The following EIF3A variants were observed in gnomAD, a reference collection of about 807,000 sequenced individuals.
The protein encoded by EIF3A is eukaryotic translation initiation factor 3 subunit A.
Under a neutral mutation model 186.6 loss-of-function variants are expected in EIF3A, and 21 were observed. The ratio of observed to expected loss-of-function variants is 0.11; its 90% CI spans 0.08 to 0.16. The LOEUF (loss-of-function observed/expected upper bound fraction) is 0.16, where lower values mean the gene tolerates loss of function less well. Among genes scored for constraint, EIF3A ranks in the 10% least tolerant of loss-of-function variants. EIF3A has a pLI of 1.00. For missense variants in EIF3A, 1,306 were observed against 1,796.3 expected (o/e 0.73, Z 4.93); for synonymous variants, 563 against 584.3 (o/e 0.96, Z 0.52).
At chr10:119,036,296 T>A in intron 21 of EIF3A, 28 bp from the exon 22 acceptor site, 8 of 1,384,142 alleles carry the variant, frequency 5.8e-6, no homozygotes, top group African/African-American at 1.5e-5. Flanking sequence ...AAAAAAAAAA[T>A]TAAGTTAGTA....
chr10:119,051,217 T>G lies in EIF3A; in HGVS notation c.2301A>C (p.Ala767=), dbSNP rs778935725. Residue 767 remains alanine, a synonymous_variant, in exon 15 of 22, where the codon GCA becomes GCC. Coordinates refer to ENST00000369144, the MANE Select transcript of EIF3A (RefSeq NM_003750.4). ...AGCTCACCTCATAAACAGACTGCCG[T>G]GCAGCTTTGAGTCGCATTACGAATA... is the stretch of plus-strand genomic sequence containing the variant. The part of the protein sequence containing the change: ...RDLFVMRLKA[A]RQSVYEEKLK... 6.2e-7 allele frequency: 1 copy of G among 1,610,186 alleles called. No homozygotes were observed. Among genetic ancestry groups the G allele is most frequent in the Non-Finnish European group, 8.5e-7 (1 of 1,179,108 alleles).
chr10:119,051,352 G>T, intron 14 of EIF3A, 31 bp from the exon 15 acceptor site: 1 of 1,539,828 alleles, frequency 6.5e-7, no homozygotes, highest in South Asian at 1.2e-5. Context: ...AAATTTCAAT[G>T]CACTTTTTTT....
intron 6 of EIF3A, among the ~76,000 whole-genome samples, chr10:119,068,154 G>A (rs1429004503): frequency 1.3e-5 from 2 of 151,974 alleles, no homozygotes; most frequent in South Asian, 2.1e-4. Flanking sequence ...CAGGTTATAC[G>A]TAACGTTAAA....
chr10:119,049,733 G>T (rs1848331338), intron 17 of EIF3A, 68 bp downstream of exon 17: 1 of 1,409,888 alleles, frequency 7.1e-7, no homozygotes, highest in African/African-American at 1.4e-5. Context: ...GACAGAGCAA[G>T]ACTGTGCCTC....
chr10:119,065,623 G>A, intron 6 of EIF3A, 53 bp from the exon 7 acceptor site: 8 of 1,327,306 alleles, frequency 6.0e-6, no homozygotes, highest in Non-Finnish European at 8.5e-6. Context: ...TACTTGGTAA[G>A]CAGAAAAGCA....
At chr10:119,058,331 T>G in intron 11 of EIF3A, 28 bp from the exon 12 acceptor site, 1 of 1,472,216 alleles carries the variant, frequency 6.8e-7, no homozygotes, top group South Asian at 1.3e-5. Context: ...TTTTTTTACA[T>G]GACCAAAATT....
intron 5 of EIF3A, among the ~76,000 whole-genome samples, chr10:119,070,489 G>A (rs1047406699): frequency 1.3e-5 from 2 of 152,138 alleles, no homozygotes; most frequent in Non-Finnish European, 2.9e-5. Context: ...CTTTTTATCA[G>A]AGTAAAAACA....
At chr10:119,038,608 C>T (rs111805433) in intron 19 of EIF3A, among the ~76,000 whole-genome samples, 169 bp from the exon 20 acceptor site, 4,309 of 152,240 alleles carry the variant, frequency 0.028, 198 homozygotes, top group African/African-American at 0.097. Flanking sequence ...ACATCATTAA[C>T]AGTATCTTAA....
rs1308934575 is a variant in EIF3A, at chr10:119,042,385, G to C, written c.3135C>G (p.Asp1045Glu). The part of the protein sequence containing the change: ...DRGPRRGMDD[D>E]RGPRRGGADD... ...CAGCGCCTCCTCGCCTCGGCCCCCG[G>C]TCATCATCCATCCCACGTCTTGGTC... The change falls in exon 19 of 22, where the codon GAC (aspartate) becomes GAG (glutamate). Residue 1045 changes from aspartate (D) to glutamate (E), a missense_variant. Transcript: ENST00000369144. This position sits in a 1 kb window ranked among gnomAD's most constrained non-coding sequence, Gnocchi z 7.8. 3.1e-6 allele frequency: 5 copies of C among 1,613,990 alleles called. No individual in the cohort carries two copies. Among genetic ancestry groups the C allele is most frequent in the African/African-American group, 2.7e-5 (2 of 74,980 alleles).
intron 20 of EIF3A, 89 bp downstream of exon 20, chr10:119,038,148 CT>C (rs1437481915): frequency 8.7e-7 from 1 of 1,147,588 alleles, no homozygotes. Flanking sequence ...AACTCCTGAA[CT>C]CAGGTGATCC....
At position 119,056,814 on chromosome 10, in the gene EIF3A, G is replaced by A. The variant is rs774812566; in HGVS notation, c.2122C>T (p.Pro708Ser). 2 of 1,613,558 alleles carry A rather than the reference G, an allele frequency of 1.2e-6. No individual in the cohort carries two copies. Among genetic ancestry groups the A allele is most frequent in the South Asian group, 1.1e-5 (1 of 91,072 alleles). ...TCCTCGTAAGCGCTCTTTATCAAAG[G>A]AATTTCTTCCAAACGTTTGGCTCTT... is the stretch of plus-strand genomic sequence containing the variant. ...FERAKRLEEI[P>S]LIKSAYEEQR... is the part of the protein sequence containing the mutation. The change falls in exon 14 of 22, where the codon CCT (proline) becomes TCT (serine). Residue 708 changes from proline to serine, a missense_variant. By Grantham distance (74) the Pro-to-Ser change is moderately conservative. Transcript: ENST00000369144.
At chr10:119,074,984 CTT>C (rs113459869) in intron 1 of EIF3A, among the ~76,000 whole-genome samples, 4 of 105,226 alleles carry the variant, frequency 3.8e-5, no homozygotes, top group Non-Finnish European at 6.9e-5. Context: ...TATTTTTTTT[CTT>C]TTTTTTTTTT....
intron 1 of EIF3A, among the ~76,000 whole-genome samples, chr10:119,076,547 A>G (rs1421623834): frequency 6.9e-6 from 1 of 143,886 alleles, no homozygotes. Flanking sequence ...TTTTGTTGAA[A>G]TAAGCCTTTC....
intron 5 of EIF3A, among the ~76,000 whole-genome samples, chr10:119,070,191 C>T (rs902864568): frequency 1.3e-5 from 2 of 152,040 alleles, no homozygotes; most frequent in African/African-American, 4.8e-5. Flanking sequence ...AAATATTGTC[C>T]GTCAAATATA....
rs761801638 is a variant in EIF3A at position 119,071,058 on chromosome 10, C to T, written c.569G>A (p.Arg190His). The T allele has an allele frequency of 6.2e-7, 1 of 1,614,026 alleles. No homozygotes were observed. The highest frequency in any genetic ancestry group is 8.5e-7 in the Non-Finnish European group (1 of 1,179,932). ...QAFKFCLQYT[R>H]KAEFRKLCDN... The stretch of plus-strand genomic sequence containing the variant: ...ACACAGTTTACGGAATTCAGCCTTA[C>T]GCGTGTATTGGAGGCAGAATTTGAA... The change falls in exon 5 of 22, where the codon CGT becomes CAT. Residue 190 changes from arginine (R) to histidine (H), a missense_variant. Physicochemically the swap from Arg to His is conservative, Grantham distance 29. Coordinates refer to ENST00000369144, the MANE Select transcript of EIF3A (RefSeq NM_003750.4).
intron 1 of EIF3A, among the ~76,000 whole-genome samples, chr10:119,074,984 C>CTTTTTTTT (rs113459869): frequency 9.5e-6 from 1 of 105,228 alleles, no homozygotes; most frequent in Non-Finnish European, 1.7e-5. Context: ...TATTTTTTTT[C>CTTTTTTTT]TTTTTTTTTT....
At chr10:119,066,391 C>G (rs983941281) in intron 6 of EIF3A, among the ~76,000 whole-genome samples, 1 of 150,714 alleles carries the variant, frequency 6.6e-6, no homozygotes, top group South Asian at 2.1e-4. Context: ...CGCCTGTAAT[C>G]CCAGCTACTC....
intron 6 of EIF3A, among the ~76,000 whole-genome samples, chr10:119,066,929 T>G (rs1843990577): frequency 6.6e-6 from 1 of 152,126 alleles, no homozygotes; most frequent in South Asian, 2.1e-4. Flanking sequence ...CAAACAGATG[T>G]GGACCAGGCG....
At position 119,070,960 on chromosome 10, in the gene EIF3A, G is replaced by A; in HGVS notation, c.667C>T (p.Pro223Ser). Residue 223 changes from proline (P) to serine (S), a missense_variant, in exon 5 of 22, where the codon CCA becomes TCA. Transcript: ENST00000369144. ...TCCAAATGCATGGACTGGCTCTCTG[G>A]ATTATTAAGATTGATTGCCGTACTT... ...NQSTAINLNN[P>S]ESQSMHLETR... The A allele has an allele frequency of 1.9e-6, 3 of 1,613,838 alleles. No homozygotes were observed. Among genetic ancestry groups the A allele is most frequent in the Non-Finnish European group, 2.5e-6 (3 of 1,179,732 alleles).
Sources: allele counts gnomAD v4.1 joint callset (sites outside exome capture counted in the v4.1 genomes callset), GRCh38; gene constraint gnomAD v4.1.1; non-coding constraint Gnocchi (gnomAD v3.1); transcripts MANE v1.5; gene names NCBI Gene and HGNC (gene_info 2026-07-23, HGNC 2026-07-21).